DHX37: variants seen among roughly 807,000 people sequenced by gnomAD.
The protein encoded by DHX37 is probable ATP-dependent RNA helicase DHX37.
DHX37 carries 52 observed loss-of-function variants against 134.3 expected under a neutral mutation model. The ratio of observed to expected loss-of-function variants is 0.39; its 90% CI spans 0.31 to 0.49. DHX37 has a LOEUF of 0.49. Ranked by LOEUF, DHX37 falls within the 20% of genes least tolerant of loss-of-function variation. The pLI, the probability that DHX37 is intolerant of heterozygous loss-of-function variation, is 0.93. For missense variants in DHX37, 1,344 were observed against 1,580.8 expected, an observed-to-expected ratio of 0.85 and a Z score of 2.54; for synonymous variants, 634 against 670.7, an observed-to-expected ratio of 0.95 and a Z score of 0.85.
At chr12:124,965,534 C>A (rs1954365615) in intron 13 of DHX37, 134 bp downstream of exon 13, 1 of 1,373,882 alleles carries the variant, frequency 7.3e-7, no homozygotes. Context: ...TCGTGCCAGG[C>A]AGTTTCAAGA....
intron 5 of DHX37, among the ~76,000 whole-genome samples, chr12:124,976,255 C>G (rs912337264): frequency 4.6e-5 from 7 of 152,246 alleles, no homozygotes; most frequent in African/African-American, 1.7e-4. Context: ...CCAGGTACCA[C>G]TGCCCTCTGC....
chr12:124,959,678 G>A (rs1328014513), intron 16 of DHX37, among the ~76,000 whole-genome samples: 3 of 152,176 alleles, frequency 2.0e-5, no homozygotes, highest in Non-Finnish European at 4.4e-5. Context: ...ACAGTGGGAC[G>A]GGCTTCACCT....
At chr12:124,979,919 A>G (rs991617179) in intron 4 of DHX37, among the ~76,000 whole-genome samples, 10 of 152,226 alleles carry the variant, frequency 6.6e-5, no homozygotes, top group African/African-American at 2.4e-4. Flanking sequence ...TAGAAGCAGG[A>G]TCCCAATTCC....
At position 124,975,529 on chromosome 12, in the gene DHX37, T is replaced by C. The variant is rs1377745838; in HGVS notation, c.888-18A>G. 4 of 1,611,184 alleles carry C rather than the reference T, an allele frequency of 2.5e-6. No individual in the cohort carries two copies. Among genetic ancestry groups the C allele is most frequent in the Non-Finnish European group, 2.5e-6 (3 of 1,179,842 alleles). On this transcript the variant is annotated intron_variant, in intron 5 of 26. Coordinates refer to ENST00000308736, the MANE Select transcript of DHX37 (RefSeq NM_032656.4). Reference sequence around the variant, plus strand: ...TGTCTTCACTGGGGGAGGAAGAACATGGCCATCAACAGTGCGCGGCCCCAC... The same window carrying C: ...TGTCTTCACTGGGGGAGGAAGAACACGGCCATCAACAGTGCGCGGCCCCAC...
intron 19 of DHX37, 42 bp from the exon 20 acceptor site, chr12:124,954,038 C>T (rs1954033187): frequency 2.5e-6 from 4 of 1,611,066 alleles, no homozygotes; most frequent in Non-Finnish European, 3.4e-6. Flanking sequence ...CTGACCCATC[C>T]CAGACCTGGG....
chr12:124,968,957 T>A lies in DHX37; in HGVS notation c.1203A>T (p.Pro401=). ...TGGCCGACATGATGAGCAGCTTGAG[T>A]GGCAGGTTCCTCTGCAAAAGGACAG... ...IVTLRAKRNL[P]LKLLIMSATL... is the part of the protein sequence containing the mutation. Residue 401 remains proline (P), a synonymous_variant, in exon 9 of 27, where the codon CCA becomes CCT. Transcript: ENST00000308736. The A allele has an allele frequency of 6.2e-7, 1 of 1,613,754 alleles. No homozygotes were observed. Among genetic ancestry groups the A allele is most frequent in the Non-Finnish European group, 8.5e-7 (1 of 1,179,934 alleles).
At chr12:124,969,510 CCA>C (rs1335628070) in intron 8 of DHX37, among the ~76,000 whole-genome samples, 1 of 152,094 alleles carries the variant, frequency 6.6e-6, no homozygotes, top group East Asian at 1.9e-4. Flanking sequence ...CTCTCTTGCC[CCA>C]CAGTGACCGT....
chr12:124,950,489 G>T lies in DHX37; in HGVS notation c.3045C>A (p.Asp1015Glu). ...PALLPSYCQF[D>E]KPLEEPAPTY... ...TAGGGGCTGGTTCCTCCAGGGGCTT[G>T]TCAAACTGGCAGTAAGAGGGCAGCA... The change falls in exon 23 of 27, where the codon GAC (aspartate) becomes GAA (glutamate). Residue 1015 changes from aspartate to glutamate, a missense_variant. This residue lies in a region of DHX37 where 558 missense variants were observed against 650.0 expected (regional missense o/e 0.86). Coordinates refer to ENST00000308736, the MANE Select transcript of DHX37 (RefSeq NM_032656.4). The T allele has an allele frequency of 6.4e-7, 1 of 1,574,244 alleles. No homozygotes were observed.
rs1163114857 is a variant in DHX37 at position 124,964,607 on chromosome 12, T to G, written c.1832A>C (p.Glu611Ala). 6.2e-7 allele frequency: 1 copy of G among 1,610,764 alleles called. No individual in the cohort carries two copies. The highest frequency in any genetic ancestry group is 1.3e-5 in the African/African-American group (1 of 74,630). Residue 611 changes from glutamate to alanine, a missense_variant, in exon 15 of 27, where the codon GAG (glutamate) becomes GCG (alanine). Glu to Ala is a moderately radical substitution (Grantham distance 107). Coordinates refer to ENST00000308736, the MANE Select transcript of DHX37 (RefSeq NM_032656.4). Reference protein sequence around the residue: ...KQAQVFKPPPEGTRLCVVATN... With the variant: ...KQAQVFKPPPAGTRLCVVATN... The stretch of plus-strand genomic sequence containing the variant: ...GGCCACAACACACAACCGAGTCCCC[T>G]CCGGTGGAGGCTTAAAGACCTAGGA...
intron 13 of DHX37, 88 bp from the exon 14 acceptor site, chr12:124,965,094 C>G (rs908087483): frequency 7.0e-7 from 1 of 1,420,038 alleles, no homozygotes; most frequent in Non-Finnish European, 9.6e-7. Context: ...CACCCCCAGG[C>G]TGCTCCACCA....
At chr12:124,955,826 A>T (rs1283865510) in intron 18 of DHX37, among the ~76,000 whole-genome samples, 1 of 140,990 alleles carries the variant, frequency 7.1e-6, no homozygotes, top group Non-Finnish European at 1.5e-5. Context: ...TAACTGCCAC[A>T]TTTCACAGGC....
intron 10 of DHX37, 38 bp downstream of exon 10, chr12:124,968,496 A>G: frequency 6.2e-7 from 1 of 1,606,200 alleles, no homozygotes; most frequent in East Asian, 2.2e-5. Flanking sequence ...GGGTTTAGGA[A>G]GGGAGGCTTC....
chr12:124,982,759 G>T, intron 2 of DHX37, 136 bp from the exon 3 acceptor site: 1 of 1,209,916 alleles, frequency 8.3e-7, no homozygotes, highest in Non-Finnish European at 1.1e-6. Context: ...CAATTCTACT[G>T]GTGCATGGTG....
chr12:124,961,280 A>ACG (rs533346063), intron 15 of DHX37, among the ~76,000 whole-genome samples: 37,892 of 112,304 alleles, frequency 0.34, 5,340 homozygotes, highest in East Asian at 0.58. Flanking sequence ...GCGTGCACGC[A>ACG]CACACACTTA....
intron 5 of DHX37, 111 bp from the exon 6 acceptor site, chr12:124,975,622 G>A (rs529762743): frequency 1.8e-4 from 208 of 1,165,236 alleles, no homozygotes; most frequent in Admixed American, 3.6e-4. Flanking sequence ...GCTCACCCAG[G>A]GGCGGTGGGA....
In DHX37 at chr12:124,961,045, C is replaced by A. The variant is rs530344813; in HGVS notation, c.2046-622G>T. 8.6e-5 allele frequency among the ~76,000 whole-genome samples: 13 copies of A among 151,688 alleles called. No homozygotes were observed. In the South Asian group the frequency reaches 2.3e-3, roughly 27 times the overall value. On this transcript the variant is annotated intron_variant, in intron 15 of 26. Transcript: ENST00000308736. Reference sequence around the variant, plus strand: ...ACACTTTAACTACAGTTACTTCTTACTGGTTTTCTTTGTAAATTTTCTAAA... The same window carrying A: ...ACACTTTAACTACAGTTACTTCTTAATGGTTTTCTTTGTAAATTTTCTAAA...
rs1341364296 is a variant in DHX37, at chr12:124,952,400, T to C, written c.2866A>G (p.Lys956Glu). 4 of 1,607,542 alleles carry C rather than the reference T, an allele frequency of 2.5e-6. No homozygotes were observed. Among genetic ancestry groups the C allele is most frequent in the East Asian group, 2.2e-5 (1 of 44,584 alleles). The change falls in exon 21 of 27, where the codon AAG (lysine) becomes GAG (glutamate). Residue 956 changes from lysine to glutamate, a missense_variant and splice_region_variant. This residue lies in a region of DHX37 where 558 missense variants were observed against 650.0 expected (regional missense o/e 0.86). Coordinates refer to ENST00000308736, the MANE Select transcript of DHX37 (RefSeq NM_032656.4). ...CAGGGAGGCGGTGGGGGCCGCACCT[T>C]GTAGGCGTTCCTCCACTTGTCCTCC... ...MLEDKWRNAY[K>E]TPLLDDPVFI...
At chr12:124,985,426 C>T (rs565657005) in intron 2 of DHX37, among the ~76,000 whole-genome samples, 26 of 152,138 alleles carry the variant, frequency 1.7e-4, no homozygotes, top group Admixed American at 4.6e-4. Context: ...CCATGACAAA[C>T]TTTTTTCCTC....
chr12:124,976,417 A>G (rs949294918), intron 5 of DHX37, among the ~76,000 whole-genome samples: 1 of 152,232 alleles, frequency 6.6e-6, no homozygotes, highest in Admixed American at 6.5e-5. Context: ...ACACAGTGAA[A>G]ATGGTAAGCG....
Sources: gnomAD v4.1 joint callset for allele counts (sites outside exome capture counted in the v4.1 genomes callset) on GRCh38, gnomAD v4.1.1 for gene constraint, gnomAD v4.1.1 regional missense constraint, MANE v1.5 for transcripts, NCBI Gene and HGNC (gene_info 2026-07-23, HGNC 2026-07-21) for gene names.